Variants in TNRC18 observed in about 807,000 individuals in gnomAD.
TNRC18 encodes the protein trinucleotide repeat containing 18, also known as trinucleotide repeat-containing gene 18 protein.
TNRC18 carries 69 observed loss-of-function variants against 226.7 expected under a neutral mutation model. The observed-to-expected ratio is 0.30, with a 90% CI of 0.25 to 0.37. The LOEUF is 0.37. Among genes scored for constraint, TNRC18 ranks in the 10% least tolerant of loss-of-function variants. The pLI is 1.00. For missense variants in TNRC18, 4,754 were observed against 4,256.6 expected, an observed-to-expected ratio of 1.12 and a Z score of -3.25; for synonymous variants, 2,449 against 1,927.6, an observed-to-expected ratio of 1.27 and a Z score of -7.09.
At position 5,325,166 on chromosome 7, in the gene TNRC18, G is replaced by C. The variant is rs1174842931; in HGVS notation, c.6230C>G (p.Pro2077Arg). 1.3e-6 allele frequency: 2 copies of C among 1,553,040 alleles called. No homozygotes were observed. Among genetic ancestry groups the C allele is most frequent in the Non-Finnish European group, 8.7e-7 (1 of 1,148,428 alleles). Residue 2077 changes from proline (P) to arginine (R), a missense_variant, in exon 20 of 30, where the codon CCT (proline) becomes CGT (arginine). By Grantham distance (103) the Pro-to-Arg change is moderately radical (BLOSUM62 -2). Transcript: ENST00000430969. Reference sequence around the variant, plus strand: ...GGCAGCGGTCAGGGAGCTGGCGTGAGGAGCCCTGGCCTCAGAGGGCAAGGC... The same window carrying C: ...GGCAGCGGTCAGGGAGCTGGCGTGACGAGCCCTGGCCTCAGAGGGCAAGGC... ...APALPSEARA[P>R]HASSLTAAKR...
chr7:5,397,212 G>A (rs1413905506), intron 2 of TNRC18, among the ~76,000 whole-genome samples: 1 of 152,166 alleles, frequency 6.6e-6, no homozygotes, highest in Non-Finnish European at 1.5e-5. Flanking sequence ...GGGCCTCCAA[G>A]CCCTGCTGAG....
chr7:5,402,454 G>C (rs1397210346), intron 2 of TNRC18, among the ~76,000 whole-genome samples: 1 of 151,958 alleles, frequency 6.6e-6, no homozygotes, highest in Non-Finnish European at 1.5e-5. Context: ...AGAATGACTT[G>C]AGCCCAGGAG....
intron 11 of TNRC18, among the ~76,000 whole-genome samples, chr7:5,368,189 T>TAA (rs1210115768): frequency 6.6e-6 from 1 of 152,060 alleles, no homozygotes; most frequent in Admixed American, 6.6e-5. Flanking sequence ...ACCACAGCTT[T>TAA]AAGCCGGGTG....
chr7:5,376,218 A>AGGG lies in TNRC18; in HGVS notation c.2614_2615insCCC (p.Glu871_Leu872insPro). 6.7e-7 allele frequency: 1 copy of AGGG among 1,499,544 alleles called. No individual in the cohort carries two copies. The allele number at this position is 1,499,544 out of a possible 1,614,324, so 92.9% of individuals were successfully genotyped here. ...GGGCGGTACGGTGGCCCGCTCCATC[A>AGGG]GCTCCGCTGCAGGGACAGAGACAGT... On this transcript the variant is annotated inframe_insertion, in exon 9 of 30. Coordinates refer to ENST00000430969, the MANE Select transcript of TNRC18 (RefSeq NM_001080495.3).
chr7:5,377,046 G>A lies in TNRC18; in HGVS notation c.2462-53C>T. 1.3e-6 allele frequency: 2 copies of A among 1,536,104 alleles called. No homozygotes were observed. The highest frequency in any genetic ancestry group is 1.7e-6 in the Non-Finnish European group (2 of 1,143,750). ...AGTGCTGGGAGCCCCCAAGCGGTTT[G>A]TCCTCGGGCAGCCCCAGCCCAGCAC... On this transcript the variant is annotated intron_variant, in intron 7 of 29. Coordinates refer to ENST00000430969, the MANE Select transcript of TNRC18 (RefSeq NM_001080495.3). This position sits in a 1 kb window ranked among gnomAD's most constrained non-coding sequence, Gnocchi z 5.8.
chr7:5,321,557 C>A (rs1233116806), intron 21 of TNRC18, among the ~76,000 whole-genome samples: 1 of 152,190 alleles, frequency 6.6e-6, no homozygotes, highest in Non-Finnish European at 1.5e-5. Context: ...TGGGTGCCAG[C>A]CATCACCGGA....
intron 2 of TNRC18, among the ~76,000 whole-genome samples, chr7:5,408,097 C>G (rs1272586325): frequency 6.6e-6 from 1 of 152,016 alleles, no homozygotes; most frequent in Non-Finnish European, 1.5e-5. Flanking sequence ...GTTAGGAGAT[C>G]GAGACCATCC....
At chr7:5,393,040 C>CG (rs754440466) in intron 3 of TNRC18, among the ~76,000 whole-genome samples, 65 of 152,244 alleles carry the variant, frequency 4.3e-4, no homozygotes, top group Non-Finnish European at 5.6e-4. Flanking sequence ...GTCCCTCCCC[C>CG]GGGCAGGGCT....
chr7:5,419,495 G>A (rs1281234935), intron 2 of TNRC18, among the ~76,000 whole-genome samples: 1 of 152,212 alleles, frequency 6.6e-6, no homozygotes, highest in African/African-American at 2.4e-5. Flanking sequence ...GTGGACTTGT[G>A]GGGAGCGCAA....
chr7:5,317,938 C>T (rs1462302913), intron 24 of TNRC18, among the ~76,000 whole-genome samples: 3 of 151,144 alleles, frequency 2.0e-5, no homozygotes, highest in African/African-American at 4.9e-5. Flanking sequence ...GGTGTGATCT[C>T]GGCTCACTGC....
chr7:5,401,016 G>A (rs906018687), intron 2 of TNRC18, among the ~76,000 whole-genome samples: 1 of 152,134 alleles, frequency 6.6e-6, no homozygotes, highest in Non-Finnish European at 1.5e-5. Context: ...CTGGGAGACA[G>A]AGCAAGACCC....
rs746494839 is a variant in TNRC18, at chr7:5,321,231, C to T, written c.6443-41G>A. On this transcript the variant is annotated intron_variant, in intron 21 of 29. Coordinates refer to ENST00000430969, the MANE Select transcript of TNRC18 (RefSeq NM_001080495.3). ...CGTGAGGCGAGGCTGGAGCCGGGGG[C>T]GTCTGCGACACCTCTCCCTCCTCCC... is the stretch of plus-strand genomic sequence containing the variant. 170 of 1,401,198 alleles carry T rather than the reference C, an allele frequency of 1.2e-4. 1 individual carries two copies. Among genetic ancestry groups the T allele is most frequent in the South Asian group, 5.7e-4 (45 of 79,448 alleles). 86.8% of individuals were successfully genotyped at this position (1,401,198 alleles called of 1,614,324 possible).
chr7:5,388,545 G>T lies in TNRC18; in HGVS notation c.1279C>A (p.Arg427Ser), dbSNP rs1484453460. 40 of 1,314,574 alleles carry T rather than the reference G, an allele frequency of 3.0e-5. No individual in the cohort carries two copies. Among genetic ancestry groups the T allele is most frequent in the Non-Finnish European group, 3.9e-5 (40 of 1,035,512 alleles). The allele number at this position is 1,314,574 out of a possible 1,614,324, so 81.4% of individuals were successfully genotyped here. Residue 427 changes from arginine to serine, a missense_variant, in exon 5 of 30, where the codon CGC becomes AGC. Arg to Ser is a moderately radical substitution (Grantham distance 110, BLOSUM62 -1). Coordinates refer to ENST00000430969, the MANE Select transcript of TNRC18 (RefSeq NM_001080495.3). ...GAGCGGATGACCGAGTTCTTCTCGC[G>T]CAGGCCCTCGGGCCGGTCCAGAGGC... Reference protein sequence around the residue: ...PRPLDRPEGLREKNSVIRSLK... With the variant: ...PRPLDRPEGLSEKNSVIRSLK...
At position 5,394,219 on chromosome 7, in the gene TNRC18, C is replaced by CA. The variant is rs1780498448; in HGVS notation, c.343+220dup. Among the ~76,000 whole-genome samples, 9 of 152,078 alleles carry CA rather than the reference C, an allele frequency of 5.9e-5. No homozygotes were observed. The South Asian group carries it at 1.9e-3, about 31-fold the overall frequency. On this transcript the variant is annotated intron_variant, in intron 3 of 29. Coordinates refer to ENST00000430969, the MANE Select transcript of TNRC18 (RefSeq NM_001080495.3). The surrounding 1 kb of genome is among the most constrained non-coding windows in gnomAD (Gnocchi z 4.5). ...AGGAGGACTGGAAGGTGGTCTGTGGCATGGGGTGTCAGGCTGAAAGGAGAG... is the reference window on the plus strand; with the variant it reads ...AGGAGGACTGGAAGGTGGTCTGTGGCAATGGGGTGTCAGGCTGAAAGGAGAG...
intron 18 of TNRC18, among the ~76,000 whole-genome samples, chr7:5,337,438 C>T (rs909415367): frequency 2.7e-5 from 4 of 150,896 alleles, no homozygotes; most frequent in South Asian, 4.2e-4. Context: ...AAGTCAAGAT[C>T]GCGCCATTGC....
chr7:5,331,052 C>G (rs1265661790), intron 19 of TNRC18, among the ~76,000 whole-genome samples: 3 of 152,128 alleles, frequency 2.0e-5, no homozygotes, highest in Non-Finnish European at 4.4e-5. Flanking sequence ...CCTCTGCCAC[C>G]AGGAGACAAG....
intron 24 of TNRC18, among the ~76,000 whole-genome samples, chr7:5,318,110 G>C (rs146112129): frequency 6.6e-6 from 1 of 152,140 alleles, no homozygotes; most frequent in Non-Finnish European, 1.5e-5. Context: ...GACCTCAGGT[G>C]ATCTGCCCAC....
Position 5,376,894 on chromosome 7 carries a change from T to TG in TNRC18, c.2560dup (p.Gln854ProfsTer11). The TG allele has an allele frequency of 6.2e-7, 1 of 1,610,708 alleles. No individual in the cohort carries two copies. The highest frequency in any genetic ancestry group is 8.5e-7 in the Non-Finnish European group (1 of 1,178,520). On this transcript the variant is annotated frameshift_variant, in exon 8 of 30. Coordinates refer to ENST00000430969, the MANE Select transcript of TNRC18 (RefSeq NM_001080495.3). LOFTEE classifies it high-confidence loss of function. ...GGGAATGACCACCAGCTGGCCCGAT[T>TG]GGGGGTCCCTGACAAACTGGTAGGC... is the stretch of plus-strand genomic sequence containing the variant.
chr7:5,312,506 G>C lies in TNRC18; in HGVS notation c.8385C>G (p.Thr2795=), dbSNP rs945463390. The C allele has an allele frequency of 6.2e-7, 1 of 1,610,490 alleles. No homozygotes were observed. The highest frequency in any genetic ancestry group is 1.7e-5 in the Admixed American group (1 of 59,944). The change falls in exon 27 of 30, where the codon ACC becomes ACG. Residue 2795 remains threonine, a synonymous_variant. Coordinates refer to ENST00000430969, the MANE Select transcript of TNRC18 (RefSeq NM_001080495.3). The surrounding 1 kb of genome is among the most constrained non-coding windows in gnomAD (Gnocchi z 6.3). ...RQLWKWFGKP[T]QRRGMKGKAR... is the part of the protein sequence containing the mutation. ...GCCCGGGCGCGAGCTTGCTCACCTG[G>C]GTGGGCTTGCCGAACCACTTCCAGA...
Sources: allele counts gnomAD v4.1 joint callset (sites outside exome capture counted in the v4.1 genomes callset), GRCh38; gene constraint gnomAD v4.1.1; non-coding constraint Gnocchi (gnomAD v3.1); transcripts MANE v1.5; gene names NCBI Gene and HGNC (gene_info 2026-07-23, HGNC 2026-07-21).